MMRN1: variants seen among roughly 807,000 people sequenced by gnomAD.
The protein encoded by MMRN1 is multimerin 1.
MMRN1 carries 94 observed loss-of-function variants against 100.7 expected under a neutral mutation model. The observed-to-expected ratio is 0.93, with a 90% CI of 0.79 to 1.11. The LOEUF (loss-of-function observed/expected upper bound fraction) is 1.11, where lower values mean the gene tolerates loss of function less well. Among genes scored for constraint, MMRN1 ranks in the 50% least tolerant of loss-of-function variants. MMRN1 has a pLI of 0.00. For synonymous variants in MMRN1, 575 were observed against 505.0 expected, an observed-to-expected ratio of 1.14 and a Z score of -1.86; for missense variants, 1,606 against 1,439.1, an observed-to-expected ratio of 1.12 and a Z score of -1.88.
At chr4:89,913,150 A>G (rs932436646) in intron 3 of MMRN1, among the ~76,000 whole-genome samples, 2 of 151,298 alleles carry the variant, frequency 1.3e-5, no homozygotes, top group African/African-American at 4.8e-5. Flanking sequence ...CATGAAGTAC[A>G]CAAATATATA....
chr4:89,945,040 A>G (rs1174391575), intron 6 of MMRN1, among the ~76,000 whole-genome samples: 1 of 152,180 alleles, frequency 6.6e-6, no homozygotes, highest in Non-Finnish European at 1.5e-5. Context: ...AGCACTAGCA[A>G]CCAGTGATCT....
At chr4:89,900,302 C>T (rs1325015300) in intron 1 of MMRN1, among the ~76,000 whole-genome samples, 2 of 152,078 alleles carry the variant, frequency 1.3e-5, no homozygotes, top group African/African-American at 4.8e-5. Flanking sequence ...TCATTTCCTC[C>T]AGCCACACTG....
chr4:89,907,665 T>G (rs190188009), intron 1 of MMRN1, among the ~76,000 whole-genome samples: 1 of 151,576 alleles, frequency 6.6e-6, no homozygotes, highest in South Asian at 2.1e-4. Flanking sequence ...CTATTCCTTA[T>G]CTTCGAGTTT....
chr4:89,900,750 G>C (rs569102038), intron 1 of MMRN1, among the ~76,000 whole-genome samples: 2 of 152,068 alleles, frequency 1.3e-5, no homozygotes, highest in Non-Finnish European at 2.9e-5. Context: ...GGAGATCAAG[G>C]CTAGAGATAT....
Position 89,953,090 on chromosome 4 carries a change from A to G in MMRN1, c.3359A>G (p.Asn1120Ser), listed in dbSNP as rs778487378. 6.8e-6 allele frequency: 11 copies of G among 1,613,732 alleles called. No individual in the cohort carries two copies. The highest frequency in any genetic ancestry group is 6.7e-5 in the Admixed American group (4 of 59,956). Residue 1120 changes from asparagine to serine, a missense_variant, in exon 8 of 8, where the codon AAT becomes AGT. Physicochemically the swap from Asn to Ser is conservative, Grantham distance 46. Coordinates refer to ENST00000264790, the MANE Select transcript of MMRN1 (RefSeq NM_007351.3). ...ACTATACCTGGTCCTATCCTGTTTA[A>G]TAACTTGGATGTCAATTATGGAGCT... is the stretch of plus-strand genomic sequence containing the variant. ...GMTIPGPILF[N>S]NLDVNYGASY... is the part of the protein sequence containing the mutation.
chr4:89,889,222 A>T (rs934035316), intron 1 of MMRN1, among the ~76,000 whole-genome samples: 1 of 152,122 alleles, frequency 6.6e-6, no homozygotes, highest in African/African-American at 2.4e-5. Context: ...TAATTTTGAG[A>T]TCTGAGCACA....
At chr4:89,881,477 G>A (rs1306406146) in intron 1 of MMRN1, among the ~76,000 whole-genome samples, 1 of 151,842 alleles carries the variant, frequency 6.6e-6, no homozygotes, top group East Asian at 1.9e-4. Flanking sequence ...GTAAAAGCAG[G>A]TGTTCTCATT....
intron 6 of MMRN1, among the ~76,000 whole-genome samples, chr4:89,940,869 T>C (rs967073370): frequency 6.6e-6 from 1 of 152,130 alleles, no homozygotes; most frequent in African/African-American, 2.4e-5. Context: ...TACAAACTTA[T>C]AGCATCTCAT....
At chr4:89,951,480 C>T (rs1000506484) in intron 6 of MMRN1, 125 bp from the exon 7 acceptor site, 3 of 950,744 alleles carry the variant, frequency 3.2e-6, no homozygotes, top group Non-Finnish European at 4.3e-6. Flanking sequence ...CATCCTGGGC[C>T]GTGGAGCCCA....
At chr4:89,939,207 G>C (rs1437365895) in intron 6 of MMRN1, among the ~76,000 whole-genome samples, 1 of 151,996 alleles carries the variant, frequency 6.6e-6, no homozygotes, top group East Asian at 1.9e-4. Flanking sequence ...TTTCACCTTT[G>C]ATATTGTATA....
upstream of MMRN1, chr4:89,894,718 CCTTAGCTTTGT>C: frequency 2.9e-6 from 1 of 345,410 alleles, no homozygotes; most frequent in Non-Finnish European, 5.2e-6. Context: ...TCCCATTTAC[CCTTAGCTTTGT>C]CAGAGACCCT....
intron 5 of MMRN1, among the ~76,000 whole-genome samples, chr4:89,932,154 G>C (rs560186063): frequency 6.6e-6 from 1 of 152,116 alleles, no homozygotes. Context: ...AAGGGGCTAC[G>C]GGCCTCACGC....
At chr4:89,932,819 G>A (rs368469628) in intron 5 of MMRN1, among the ~76,000 whole-genome samples, 6 of 152,204 alleles carry the variant, frequency 3.9e-5, no homozygotes, top group African/African-American at 1.4e-4. Context: ...GGCACTGCTG[G>A]GAAGACCTCT....
At chr4:89,880,717 G>A (rs528605769) in intron 1 of MMRN1, among the ~76,000 whole-genome samples, 12 of 152,106 alleles carry the variant, frequency 7.9e-5, no homozygotes, top group East Asian at 1.9e-4. Flanking sequence ...CCAATATCTC[G>A]CTTTACATTG....
chr4:89,949,981 C>A (rs1335249199), intron 6 of MMRN1, among the ~76,000 whole-genome samples: 2 of 152,194 alleles, frequency 1.3e-5, no homozygotes, highest in Non-Finnish European at 2.9e-5. Flanking sequence ...CATAAGGTGG[C>A]ACCAGAGTAA....
chr4:89,886,581 C>T (rs1720941414), intron 1 of MMRN1, among the ~76,000 whole-genome samples: 1 of 152,082 alleles, frequency 6.6e-6, no homozygotes, highest in Non-Finnish European at 1.5e-5. Flanking sequence ...TTCGAATCTT[C>T]TATATCATTG....
chr4:89,907,514 G>C (rs1721604879), intron 1 of MMRN1, among the ~76,000 whole-genome samples: 1 of 151,132 alleles, frequency 6.6e-6, no homozygotes, highest in Admixed American at 6.6e-5. Flanking sequence ...TAGATATGAG[G>C]GTTGATTTTT....
At chr4:89,913,399 A>G (rs1721815821) in intron 3 of MMRN1, among the ~76,000 whole-genome samples, 2 of 151,430 alleles carry the variant, frequency 1.3e-5, no homozygotes, top group African/African-American at 4.8e-5. Context: ...GAAAAAGTCT[A>G]CTAATGAAAT....
At chr4:89,945,088 G>A (rs1722947471) in intron 6 of MMRN1, among the ~76,000 whole-genome samples, 1 of 152,130 alleles carries the variant, frequency 6.6e-6, no homozygotes, top group Non-Finnish European at 1.5e-5. Context: ...TCCAGAATAT[G>A]TAAGAAACAA....
Sources: allele counts gnomAD v4.1 joint callset (sites outside exome capture counted in the v4.1 genomes callset), GRCh38; gene constraint gnomAD v4.1.1; transcripts MANE v1.5; gene names NCBI Gene and HGNC (gene_info 2026-07-23, HGNC 2026-07-21).